The following BSN variants were observed in gnomAD, a reference collection of about 807,000 sequenced individuals.
The protein encoded by BSN is bassoon presynaptic cytomatrix protein, also known as protein bassoon.
BSN carries 57 observed loss-of-function variants against 264.8 expected under a neutral mutation model. The ratio of observed to expected loss-of-function variants is 0.22; its 90% CI spans 0.17 to 0.27. The LOEUF is 0.27. BSN is among the 10% of genes least tolerant of loss of function. The pLI, the probability that BSN is intolerant of heterozygous loss-of-function variation, is 1.00. For synonymous variants in BSN, 2,059 were observed against 2,137.3 expected, an observed-to-expected ratio of 0.96 and a Z score of 1.01; for missense variants, 4,615 against 5,232.5, an observed-to-expected ratio of 0.88 and a Z score of 3.64.
chr3:49,577,391 G>C (rs974731221), intron 1 of BSN, among the ~76,000 whole-genome samples: 4 of 152,138 alleles, frequency 2.6e-5, no homozygotes, highest in Non-Finnish European at 4.4e-5. Context: ...GGCCTTCTTG[G>C]TGCATTTCAG....
In BSN at chr3:49,657,734, C is replaced by T; in HGVS notation, c.8178C>T (p.Ala2726=). ...LACQTEPDGQ[A]QGVAGPQLVG... is the part of the protein sequence containing the mutation. ...GCCAGACGGAGCCAGATGGGCAGGC[C>T]CAGGGTGTAGCCGGGCCGCAGCTTG... Residue 2726 remains alanine (A), a synonymous_variant, in exon 5 of 12, where the codon GCC becomes GCT. Transcript: ENST00000296452. 1.3e-6 allele frequency: 2 copies of T among 1,550,980 alleles called. No homozygotes were observed. The highest frequency in any genetic ancestry group is 4.5e-5 in the East Asian group (2 of 44,290).
intron 1 of BSN, among the ~76,000 whole-genome samples, chr3:49,606,013 GA>G (rs1474136821): frequency 1.2e-5 from 1 of 84,706 alleles, no homozygotes; most frequent in East Asian, 3.8e-4. Flanking sequence ...TATATACATA[GA>G]AATATATATT....
At chr3:49,648,126 G>A (rs1349751275) in intron 3 of BSN, among the ~76,000 whole-genome samples, 1 of 152,268 alleles carries the variant, frequency 6.6e-6, no homozygotes, top group East Asian at 1.9e-4. Flanking sequence ...GCTCAGGCAA[G>A]CTGGCCTCTC....
intron 1 of BSN, among the ~76,000 whole-genome samples, chr3:49,619,961 C>T (rs569730939): frequency 1.5e-5 from 2 of 137,710 alleles, no homozygotes; most frequent in South Asian, 5.3e-4. Flanking sequence ...GGAAAGCACA[C>T]GGAGACTGTG....
chr3:49,670,399 T>C lies in BSN; in HGVS notation c.*2914T>C, dbSNP rs967407626. 1.3e-5 allele frequency: 2 copies of C among 152,276 alleles called. No homozygotes were observed. Among genetic ancestry groups the C allele is most frequent in the African/African-American group, 4.8e-5 (2 of 41,458 alleles). The allele number at this position is 152,276 out of a possible 1,614,324, so 9.4% of individuals were successfully genotyped here. A position where few individuals can be genotyped will look rare whatever the true frequency, so the allele number is the denominator to read the frequency against. On this transcript the variant is annotated 3_prime_UTR_variant, in exon 12 of 12. Transcript: ENST00000296452. ...TCTAAAGTACTGACTTTTCAGCAAA[T>C]TTCCTTTCTGGCCAAGCCCTCTGAG...
chr3:49,655,678 C>T lies in BSN; in HGVS notation c.6122C>T (p.Ser2041Leu). The change falls in exon 5 of 12, where the codon TCA becomes TTA. Residue 2041 changes from serine to leucine, a missense_variant. Transcript: ENST00000296452. ...RYLGQGLQYG[S>L]VTDLRHPTDL... ...CTAGGGCAGGGCTTGCAGTATGGCT[C>T]AGTCACGGACCTGCGTCATCCTACA... is the stretch of plus-strand genomic sequence containing the variant. The T allele has an allele frequency of 6.2e-7, 1 of 1,613,576 alleles. No homozygotes were observed. Among genetic ancestry groups the T allele is most frequent in the Non-Finnish European group, 8.5e-7 (1 of 1,180,010 alleles).
rs1298072072 is a variant in BSN at position 49,663,077 on chromosome 3, C to A, written c.10919C>A (p.Ala3640Asp). The change falls in exon 7 of 12, where the codon GCC becomes GAC. Residue 3640 changes from alanine to aspartate, a missense_variant. This residue lies in a region of BSN where 3,415 missense variants were observed against 3,866.4 expected (regional missense o/e 0.88). Transcript: ENST00000296452. ...PHDEGGPGRH[A>D]SAKEHRHGDH... ...GATGAGGGTGGCCCAGGCCGCCATG[C>A]CTCAGCCAAGGAACACCGGCACGGT... 1 of 1,612,722 alleles carries A rather than the reference C, an allele frequency of 6.2e-7. No individual in the cohort carries two copies. The highest frequency in any genetic ancestry group is 8.5e-7 in the Non-Finnish European group (1 of 1,179,846).
rs752338746 is a variant in BSN, at chr3:49,642,750, C to T, written c.1116C>T (p.Asp372=). Reference sequence around the variant, plus strand: ...TCATGTCTGTGCAGCCCGAGGCTGACACCCAGGGCCAGCCTGCCCCCAGCA... The same window carrying T: ...TCATGTCTGTGCAGCCCGAGGCTGATACCCAGGGCCAGCCTGCCCCCAGCA... ...STLMSVQPEA[D]TQGQPAPSKG... is the part of the protein sequence containing the mutation. Residue 372 remains aspartate, a synonymous_variant, in exon 3 of 12, where the codon GAC becomes GAT. Transcript: ENST00000296452. This position sits in a 1 kb window ranked among gnomAD's most constrained non-coding sequence, Gnocchi z 7.0. 2 of 1,613,444 alleles carry T rather than the reference C, an allele frequency of 1.2e-6. No individual in the cohort carries two copies. The highest frequency in any genetic ancestry group is 1.7e-6 in the Non-Finnish European group (2 of 1,179,934).
At chr3:49,589,537 C>T (rs1339190630) in intron 1 of BSN, among the ~76,000 whole-genome samples, 1 of 139,156 alleles carries the variant, frequency 7.2e-6, no homozygotes, top group African/African-American at 2.7e-5. Context: ...GATGGAGTCT[C>T]ACTCTGTCGC....
chr3:49,666,934 C>T (rs897382318), intron 11 of BSN, among the ~76,000 whole-genome samples: 33 of 152,220 alleles, frequency 2.2e-4, no homozygotes, highest in Non-Finnish European at 4.3e-4. Context: ...CTGATGTTTC[C>T]TTGGAGTTGC....
intron 1 of BSN, among the ~76,000 whole-genome samples, chr3:49,615,113 A>T (rs1428378837): frequency 6.6e-6 from 1 of 152,228 alleles, no homozygotes; most frequent in Non-Finnish European, 1.5e-5. Context: ...ACATCAGAGC[A>T]GTCAGAGCTC....
intron 2 of BSN, among the ~76,000 whole-genome samples, chr3:49,636,595 C>CT (rs1277464180): frequency 6.6e-6 from 1 of 152,176 alleles, no homozygotes; most frequent in East Asian, 1.9e-4. Context: ...CCAGTGAGGT[C>CT]TTCTAGCCCC....
chr3:49,554,637 G>C lies in BSN; in HGVS notation c.35G>C (p.Gly12Ala). Residue 12 changes from glycine (G) to alanine (A), a missense_variant, in exon 1 of 12, where the codon GGC (glycine) becomes GCC (alanine). Around this residue, in one of 3 missense-constraint regions of BSN, gnomAD observed 1,197 missense variants for 1,348.0 expected, o/e 0.89. Coordinates refer to ENST00000296452, the MANE Select transcript of BSN (RefSeq NM_003458.4). Reference sequence around the variant, plus strand: ...GAGGTCAGCCTGGAGGGCGGCGCTGGCGACGGGCCGCTGCCGCCCGGCGGC... The same window carrying C: ...GAGGTCAGCCTGGAGGGCGGCGCTGCCGACGGGCCGCTGCCGCCCGGCGGC... ...GNEVSLEGGA[G>A]DGPLPPGGAG... The C allele has an allele frequency of 1.0e-6, 1 of 983,466 alleles. No individual in the cohort carries two copies. The highest frequency in any genetic ancestry group is 1.2e-6 in the Non-Finnish European group (1 of 829,944). 60.9% of individuals were successfully genotyped at this position (983,466 alleles called of 1,614,324 possible).
At chr3:49,563,342 G>A (rs1466095045) in intron 1 of BSN, among the ~76,000 whole-genome samples, 2 of 152,310 alleles carry the variant, frequency 1.3e-5, no homozygotes, top group South Asian at 4.1e-4. Flanking sequence ...CCTGCTGCAG[G>A]CTCCCTGTTC....
chr3:49,643,293 T>C, intron 3 of BSN, 141 bp downstream of exon 3: 1 of 1,376,098 alleles, frequency 7.3e-7, no homozygotes, highest in East Asian at 2.5e-5. Flanking sequence ...GCAGAGGGGC[T>C]GCATTCCCTT....
In BSN at chr3:49,664,782, CTCTTTCTTTG is replaced by C. The variant is rs1365004302; in HGVS notation, c.11741-14_11741-5del. On this transcript the variant is annotated splice_polypyrimidine_tract_variant and splice_region_variant and intron_variant, in intron 9 of 11. Transcript: ENST00000296452. ...GGCCCAATTTCCTGATGGCTCTCTC[CTCTTTCTTTG>C]TCACAGCTGTCTCTGCTTTTGGCAA... 1 of 1,613,888 alleles carries C rather than the reference CTCTTTCTTTG, an allele frequency of 6.2e-7. No homozygotes were observed. The highest frequency in any genetic ancestry group is 1.7e-5 in the Admixed American group (1 of 60,028).
chr3:49,661,482 A>G lies in BSN; in HGVS notation c.9637A>G (p.Thr3213Ala). The change falls in exon 6 of 12, where the codon ACC becomes GCC. Residue 3213 changes from threonine to alanine, a missense_variant. Thr to Ala is a moderately conservative substitution (Grantham distance 58). This residue lies in a region of BSN where 3,415 missense variants were observed against 3,866.4 expected (regional missense o/e 0.88). Transcript: ENST00000296452. ...RGSVSQSPAPTYPSDSHYTSL... is the reference protein window; with the variant it reads ...RGSVSQSPAPAYPSDSHYTSL... ...CAGTGTGAGCCAGAGCCCAGCCCCC[A>G]CCTACCCCTCTGACTCACACTATAC... 2 of 1,613,898 alleles carry G rather than the reference A, an allele frequency of 1.2e-6. No homozygotes were observed. The highest frequency in any genetic ancestry group is 1.1e-5 in the South Asian group (1 of 91,086).
rs2108105239 is a variant in BSN at position 49,669,021 on chromosome 3, C to T, written c.*1536C>T. ...TGTGTGTGAAATTCTCAGTCTGTGG[C>T]ATGTTTGACCTGTGGCAGGACTCGC... On this transcript the variant is annotated 3_prime_UTR_variant, in exon 12 of 12. Coordinates refer to ENST00000296452, the MANE Select transcript of BSN (RefSeq NM_003458.4). 1 of 130,130 alleles carries T rather than the reference C, an allele frequency of 7.7e-6. No individual in the cohort carries two copies. The highest frequency in any genetic ancestry group is 2.8e-4 in the South Asian group (1 of 3,624). The allele number at this position is 130,130 out of a possible 1,614,324, so 8.1% of individuals were successfully genotyped here.
intron 3 of BSN, among the ~76,000 whole-genome samples, chr3:49,644,853 A>G (rs545743573): frequency 6.6e-6 from 1 of 152,174 alleles, no homozygotes; most frequent in Non-Finnish European, 1.5e-5. Context: ...AGGAGCATAA[A>G]TGTTCCTGAC....
Sources: allele counts gnomAD v4.1 joint callset (sites outside exome capture counted in the v4.1 genomes callset), GRCh38; gene constraint gnomAD v4.1.1; regional missense constraint gnomAD v4.1.1; non-coding constraint Gnocchi (gnomAD v3.1); transcripts MANE v1.5; gene names NCBI Gene and HGNC (gene_info 2026-07-23, HGNC 2026-07-21).